Variants in SLC38A12 observed in about 807,000 individuals in gnomAD.
SLC38A12 encodes putative sodium-coupled neutral amino acid transporter 12.
the SLC38A12 span, chr17:74,837,672 T>C: frequency 1.0e-6 from 1 of 985,544 alleles, no homozygotes; most frequent in African/African-American, 1.7e-5. Context: ...CTATATCCCT[T>C]GGGCAATGTG....
chr17:74,791,046 C>G, the SLC38A12 span: 1 of 1,611,914 alleles, frequency 6.2e-7, no homozygotes, highest in South Asian at 1.1e-5. Flanking sequence ...GGTAGAAGTT[C>G]TTTTGGGGGT....
At chr17:74,801,551 A>G in the SLC38A12 span, among the ~76,000 whole-genome samples, 4 of 152,186 alleles carry the variant, frequency 2.6e-5, no homozygotes, top group Non-Finnish European at 5.9e-5. Flanking sequence ...TGTCCCACAC[A>G]TGCTGAGCCT....
At chr17:74,799,601 T>C in the SLC38A12 span, among the ~76,000 whole-genome samples, 4 of 152,162 alleles carry the variant, frequency 2.6e-5, no homozygotes, top group Non-Finnish European at 5.9e-5. Flanking sequence ...GGGGGATTTC[T>C]GTCTGCTGGC....
the SLC38A12 span, among the ~76,000 whole-genome samples, chr17:74,833,572 G>A: frequency 6.6e-6 from 1 of 152,214 alleles, no homozygotes; most frequent in African/African-American, 2.4e-5. Context: ...TGAGGCTGGG[G>A]AGTTAGAGGA....
the SLC38A12 span, chr17:74,794,972 C>G: frequency 6.5e-7 from 1 of 1,528,164 alleles, no homozygotes; most frequent in East Asian, 2.3e-5. Context: ...ATGCAGACAT[C>G]TCTTTGTGGC....
At chr17:74,832,968 T>C in the SLC38A12 span, among the ~76,000 whole-genome samples, 20 of 152,242 alleles carry the variant, frequency 1.3e-4, no homozygotes, top group Admixed American at 1.3e-4. Flanking sequence ...GTGAAACTAA[T>C]TATGGCTAGA....
the SLC38A12 span, among the ~76,000 whole-genome samples, chr17:74,808,541 C>A: frequency 7.5e-4 from 114 of 152,288 alleles, no homozygotes; most frequent in African/African-American, 2.6e-3. Context: ...TGGTTCTGAG[C>A]CTCGTCTTCC....
chr17:74,784,880 C>T, the SLC38A12 span, among the ~76,000 whole-genome samples: 1 of 152,060 alleles, frequency 6.6e-6, no homozygotes, highest in Admixed American at 6.6e-5. Flanking sequence ...GTCACACAAC[C>T]TTGTGAATAT....
chr17:74,794,436 C>G, the SLC38A12 span, among the ~76,000 whole-genome samples: 1 of 152,320 alleles, frequency 6.6e-6, no homozygotes, highest in East Asian at 1.9e-4. Flanking sequence ...GCACCATCTC[C>G]CCAGCACACC....
chr17:74,796,174 T>TG, the SLC38A12 span, among the ~76,000 whole-genome samples: 72 of 152,262 alleles, frequency 4.7e-4, no homozygotes, highest in East Asian at 2.1e-3. Flanking sequence ...GTGCCGTTGG[T>TG]GGGGGGCAGG....
chr17:74,814,148 G>A, the SLC38A12 span, among the ~76,000 whole-genome samples: 1 of 152,218 alleles, frequency 6.6e-6, no homozygotes, highest in Non-Finnish European at 1.5e-5. Context: ...CCCTCTGGGA[G>A]CCAAGCAGAC....
At chr17:74,809,829 G>A in the SLC38A12 span, among the ~76,000 whole-genome samples, 15 of 152,234 alleles carry the variant, frequency 9.9e-5, no homozygotes, top group South Asian at 6.2e-4. Context: ...CATCAGAGTC[G>A]AATAACATTT....
chr17:74,834,746 TC>T, the SLC38A12 span, among the ~76,000 whole-genome samples: 2 of 152,186 alleles, frequency 1.3e-5, no homozygotes, highest in African/African-American at 2.4e-5. Flanking sequence ...ATGTCACGTG[TC>T]CCCGTGGGCT....
the SLC38A12 span, chr17:74,777,264 G>T: frequency 6.9e-6 from 11 of 1,590,816 alleles, no homozygotes; most frequent in African/African-American, 1.5e-4. Flanking sequence ...TTGTTTTAAG[G>T]AGCTGCGGCA....
At chr17:74,827,987 C>T in the SLC38A12 span, among the ~76,000 whole-genome samples, 1 of 152,186 alleles carries the variant, frequency 6.6e-6, no homozygotes, top group Admixed American at 6.5e-5. This position sits in a 1 kb window ranked among gnomAD's most constrained non-coding sequence, Gnocchi z 4.7. Context: ...AGGGAGCTGG[C>T]GCCAAGTCCT....
the SLC38A12 span, among the ~76,000 whole-genome samples, chr17:74,826,770 C>T: frequency 1.3e-5 from 2 of 152,316 alleles, no homozygotes; most frequent in Admixed American, 6.5e-5. Context: ...ACCCTGTCTC[C>T]TTTAGCCCCT....
chr17:74,791,071 C>T, the SLC38A12 span: 26 of 1,586,866 alleles, frequency 1.6e-5, no homozygotes, highest in South Asian at 1.6e-4. Context: ...TGTGGGGAAA[C>T]GGGGAGCTGG....
chr17:74,838,338 G>A, the SLC38A12 span: 4 of 990,734 alleles, frequency 4.0e-6, no homozygotes, highest in African/African-American at 3.5e-5. Flanking sequence ...GCCTGCAGTG[G>A]TCAGGCCAAG....
the SLC38A12 span, among the ~76,000 whole-genome samples, chr17:74,803,780 C>G: frequency 5.9e-5 from 9 of 152,244 alleles, no homozygotes; most frequent in Admixed American, 1.3e-4. Flanking sequence ...CCATCCCACA[C>G]TGTGCACCCC....
Sources: allele counts gnomAD v4.1 joint callset (sites outside exome capture counted in the v4.1 genomes callset), GRCh38; gene constraint gnomAD v4.1.1; non-coding constraint Gnocchi (gnomAD v3.1); transcripts MANE v1.5; gene names NCBI Gene and HGNC (gene_info 2026-07-23, HGNC 2026-07-21).